LNX2: variants seen among roughly 807,000 people sequenced by gnomAD.
The protein encoded by LNX2 is ligand of numb-protein X 2.
Under a neutral mutation model 66.2 loss-of-function variants are expected in LNX2, and 35 were observed. The observed-to-expected ratio is 0.53, with a 90% CI of 0.40 to 0.70. The LOEUF (loss-of-function observed/expected upper bound fraction) is 0.70, where lower values mean the gene tolerates loss of function less well. Among genes scored for constraint, LNX2 ranks in the 30% least tolerant of loss-of-function variants. LNX2 has a pLI of 0.00. For synonymous variants in LNX2, 337 were observed against 315.6 expected (o/e 1.07, Z -0.72); for missense variants, 791 against 850.8 (o/e 0.93, Z 0.87).
At chr13:27,583,239 T>C (rs1343848733) in intron 1 of LNX2, among the ~76,000 whole-genome samples, 343 of 17,478 alleles carry the variant, frequency 0.02, 80 homozygotes, top group African/African-American at 0.023. Context: ...TGTGTGTGTG[T>C]GTGTGTGTGT....
intron 5 of LNX2, among the ~76,000 whole-genome samples, chr13:27,561,029 G>A (rs1324851829): frequency 2.0e-5 from 3 of 151,990 alleles, no homozygotes; most frequent in East Asian, 3.8e-4. Context: ...AAACAATAAC[G>A]CTTTTACTTA....
rs1416403019 is a variant in LNX2 at position 27,552,596 on chromosome 13, C to T, written c.1778+612G>A. ...CCTATCTCAAATGTCAAACAACAAC[C>T]GCGGAAAGGAATGTACCCTGGGATG... On this transcript the variant is annotated intron_variant, in intron 8 of 9. Coordinates refer to ENST00000316334, the MANE Select transcript of LNX2 (RefSeq NM_153371.4). Among the ~76,000 whole-genome samples, 3 of 144,890 alleles carry T rather than the reference C, an allele frequency of 2.1e-5. No homozygotes were observed. In the East Asian group the frequency reaches 6.4e-4, roughly 31 times the overall value.
At chr13:27,618,410 T>C (rs1274619334) in intron 1 of LNX2, among the ~76,000 whole-genome samples, 1 of 152,138 alleles carries the variant, frequency 6.6e-6, no homozygotes, top group Non-Finnish European at 1.5e-5. Context: ...CCCCAGGTAA[T>C]CTGAATAGAG....
rs35007288 is a variant in LNX2 at position 27,560,565 on chromosome 13, G to GTGTGTATGTGTA, written c.1225-581_1225-580insTACACATACACA. Among the ~76,000 whole-genome samples, 5 of 119,964 alleles carry GTGTGTATGTGTA rather than the reference G, an allele frequency of 4.2e-5. 1 individual carries two copies. The highest frequency in any genetic ancestry group is 8.0e-5 in the Admixed American group (1 of 12,472). 78.7% of individuals were successfully genotyped at this position (119,964 alleles called of 152,430 possible). ...ATAACAAGACTTTATATGTATGTGT[G>GTGTGTATGTGTA]TATATATATATATATATATAGCATA... On this transcript the variant is annotated intron_variant, in intron 5 of 9. Transcript: ENST00000316334.
At chr13:27,565,269 TAAAC>T (rs1271717892) in intron 4 of LNX2, among the ~76,000 whole-genome samples, 1 of 152,166 alleles carries the variant, frequency 6.6e-6, no homozygotes, top group African/African-American at 2.4e-5. Context: ...TAAAAAAACT[TAAAC>T]AAATCTGTTA....
chr13:27,557,258 ATAT>A (rs1279152732), intron 6 of LNX2, among the ~76,000 whole-genome samples: 2 of 152,092 alleles, frequency 1.3e-5, no homozygotes, highest in African/African-American at 4.8e-5. Flanking sequence ...CTGAAATTAT[ATAT>A]TATTATTGAC....
chr13:27,602,033 G>A (rs1042486935), intron 1 of LNX2, among the ~76,000 whole-genome samples: 7 of 151,986 alleles, frequency 4.6e-5, no homozygotes, highest in African/African-American at 1.7e-4. Context: ...GCAGAAGTCA[G>A]TACACTCCTA....
At chr13:27,607,447 A>G (rs1291984340) in intron 1 of LNX2, among the ~76,000 whole-genome samples, 3 of 152,242 alleles carry the variant, frequency 2.0e-5, no homozygotes, top group Non-Finnish European at 4.4e-5. Context: ...AGAGTTCTTT[A>G]TAAGGTAACA....
intron 2 of LNX2, among the ~76,000 whole-genome samples, chr13:27,579,061 G>A (rs1955371662): frequency 6.6e-6 from 1 of 152,124 alleles, no homozygotes; most frequent in African/African-American, 2.4e-5. Flanking sequence ...GTTTCTAAAG[G>A]AATCTACAAC....
chr13:27,599,703 C>G (rs1384564289), intron 1 of LNX2, among the ~76,000 whole-genome samples: 1 of 152,162 alleles, frequency 6.6e-6, no homozygotes, highest in East Asian at 1.9e-4. Context: ...ACTTTGGCAA[C>G]TCTTACTTTC....
chr13:27,556,239 T>C lies in LNX2; in HGVS notation c.1543A>G (p.Arg515Gly), dbSNP rs777596691. The C allele has an allele frequency of 9.3e-6, 15 of 1,613,044 alleles. No homozygotes were observed. Among genetic ancestry groups the C allele is most frequent in the Non-Finnish European group, 1.3e-5 (15 of 1,179,648 alleles). ...GCLARDGRIK[R>G]GDVLLNINGI... ...ATTTTTCAAGATCCCATCTTACCTC[T>C]CTTTATTCTGCCATCTCGTGCAAGG... Residue 515 changes from arginine (R) to glycine (G), a missense_variant, in exon 7 of 10, where the codon AGA becomes GGA. Physicochemically the swap from Arg to Gly is moderately radical, Grantham distance 125. Coordinates refer to ENST00000316334, the MANE Select transcript of LNX2 (RefSeq NM_153371.4).
chr13:27,556,631 G>GA (rs1200890527), intron 6 of LNX2, among the ~76,000 whole-genome samples: 28 of 152,156 alleles, frequency 1.8e-4, no homozygotes, highest in Admixed American at 1.8e-3. Flanking sequence ...TTATGTAGCT[G>GA]AAAAAACTCA....
intron 1 of LNX2, among the ~76,000 whole-genome samples, chr13:27,612,103 T>C (rs751674619): frequency 3.3e-5 from 5 of 152,148 alleles, no homozygotes; most frequent in Non-Finnish European, 5.9e-5. Context: ...CCTAGAGAAA[T>C]CACAGCAGAT....
At chr13:27,613,658 T>C (rs190456255) in intron 1 of LNX2, among the ~76,000 whole-genome samples, 324 of 151,910 alleles carry the variant, frequency 2.1e-3, no homozygotes, top group African/African-American at 7.3e-3. Flanking sequence ...ATCCCAGCTA[T>C]TGGGGAGGCT....
chr13:27,613,480 A>G (rs1955794597), intron 1 of LNX2, among the ~76,000 whole-genome samples: 1 of 152,210 alleles, frequency 6.6e-6, no homozygotes, highest in Non-Finnish European at 1.5e-5. Context: ...GTTAAGACAC[A>G]GTGGAAGCAG....
chr13:27,597,409 T>C (rs1955610632), intron 1 of LNX2, among the ~76,000 whole-genome samples: 1 of 152,156 alleles, frequency 6.6e-6, no homozygotes, highest in African/African-American at 2.4e-5. Context: ...ATACGAGGAC[T>C]CTCAATGGAC....
chr13:27,554,258 T>C (rs963983585), intron 7 of LNX2, among the ~76,000 whole-genome samples: 2 of 152,238 alleles, frequency 1.3e-5, no homozygotes, highest in Non-Finnish European at 2.9e-5. Flanking sequence ...CTTTACTTAA[T>C]AGCAGCTTGA....
intron 1 of LNX2, among the ~76,000 whole-genome samples, chr13:27,607,027 A>G (rs895779426): frequency 6.6e-6 from 1 of 152,208 alleles, no homozygotes; most frequent in African/African-American, 2.4e-5. Flanking sequence ...ACACAAATCT[A>G]AATATTAATT....
At chr13:27,576,082 C>T (rs2138379511) in intron 2 of LNX2, among the ~76,000 whole-genome samples, 1 of 152,238 alleles carries the variant, frequency 6.6e-6, no homozygotes, top group East Asian at 1.9e-4. Flanking sequence ...CTACAACAGA[C>T]ACACTTCAGA....
Sources: allele counts gnomAD v4.1 joint callset (sites outside exome capture counted in the v4.1 genomes callset), GRCh38; gene constraint gnomAD v4.1.1; transcripts MANE v1.5; gene names NCBI Gene and HGNC (gene_info 2026-07-23, HGNC 2026-07-21).